Variants in PIEZO1 observed in about 807,000 individuals in gnomAD.
The protein encoded by PIEZO1 is piezo-type mechanosensitive ion channel component 1.
In PIEZO1, 296 loss-of-function variants were observed where a neutral mutation model predicts 297.2. The observed-to-expected ratio is 1.00, with a 90% CI of 0.91 to 1.10. PIEZO1 has a LOEUF of 1.10. Among genes scored for constraint, PIEZO1 ranks in the 50% least tolerant of loss-of-function variants. The pLI is 0.00. For missense variants in PIEZO1, 5,018 were observed against 3,455.5 expected, an observed-to-expected ratio of 1.45 and a Z score of -11.34; for synonymous variants, 2,427 against 1,507.5, an observed-to-expected ratio of 1.61 and a Z score of -14.13.
intron 22 of PIEZO1, among the ~76,000 whole-genome samples, chr16:88,731,004 C>T (rs1904765222): frequency 1.3e-5 from 2 of 152,234 alleles, no homozygotes; most frequent in Non-Finnish European, 2.9e-5. Flanking sequence ...GAGCCGGCCA[C>T]GTGCACAAAT....
Position 88,725,505 on chromosome 16 carries a change from C to G in PIEZO1, c.4073G>C (p.Arg1358Pro), listed in dbSNP as rs587776990. ...CTGCCTGTGCTTCTCCTGCTTGGCA[C>G]GGATACGCTCCATCCTGTGGTGGGG... The part of the protein sequence containing the change: ...AQLKRQMERI[R>P]AKQEKHRQGR... Residue 1358 changes from arginine to proline, a missense_variant, in exon 29 of 51, where the codon CGT becomes CCT. By Grantham distance (103) the Arg-to-Pro change is moderately radical (BLOSUM62 -2). Transcript: ENST00000301015. 6.5e-7 allele frequency: 1 copy of G among 1,529,226 alleles called. No homozygotes were observed. Among genetic ancestry groups the G allele is most frequent in the Non-Finnish European group, 8.8e-7 (1 of 1,134,294 alleles). 94.7% of individuals were successfully genotyped at this position (1,529,226 alleles called of 1,614,324 possible).
rs907859351 is a variant in PIEZO1, at chr16:88,727,221, C to T, written c.3302-29G>A. 13 of 1,507,638 alleles carry T rather than the reference C, an allele frequency of 8.6e-6. No homozygotes were observed. In the Admixed American group the frequency reaches 2.8e-4, roughly 32 times the overall value. The allele number at this position is 1,507,638 out of a possible 1,614,324, so 93.4% of individuals were successfully genotyped here. On this transcript the variant is annotated intron_variant, in intron 23 of 50. Transcript: ENST00000301015. ...CAGGACACAGGAGCCGCCGCTGTGC[C>T]ACACGGGGACCCACACGAGGTGGGC... is the stretch of plus-strand genomic sequence containing the variant.
intron 1 of PIEZO1, 54 bp from the exon 2 acceptor site, chr16:88,749,533 C>G: frequency 1.5e-6 from 2 of 1,337,342 alleles, no homozygotes; most frequent in East Asian, 2.6e-5. Flanking sequence ...CCAGCCCCAC[C>G]CCAGAGGACA....
chr16:88,727,473 G>A, intron 23 of PIEZO1, 84 bp downstream of exon 23: 1 of 662,438 alleles, frequency 1.5e-6, no homozygotes. Flanking sequence ...GTGCACGCCT[G>A]TGTGCACACT....
In PIEZO1 at chr16:88,720,637, A is replaced by T. The variant is rs755742006; in HGVS notation, c.5780T>A (p.Leu1927Gln). The change falls in exon 40 of 51, where the codon CTG becomes CAG. Residue 1927 changes from leucine to glutamine, a missense_variant. Transcript: ENST00000301015. ...TCACAGGGACAGGCAGAAGCCCTGC[A>T]GCCGCCGCCCGGCCGCCCTTACTCT... The part of the protein sequence containing the change: ...GGRVRAAGRR[L>Q]QGFCLSLAQG... The T allele has an allele frequency of 4.1e-5, 63 of 1,544,206 alleles. No homozygotes were observed. The highest frequency in any genetic ancestry group is 3.2e-4 in the Admixed American group (16 of 50,620).
rs1597459025 is a variant in PIEZO1, at chr16:88,735,355, G to T, written c.1558-109C>A. 7 of 762,028 alleles carry T rather than the reference G, an allele frequency of 9.2e-6. No individual in the cohort carries two copies. In the East Asian group the frequency reaches 1.9e-4, roughly 21 times the overall value. The allele number at this position is 762,028 out of a possible 1,614,324, so 47.2% of individuals were successfully genotyped here. On this transcript the variant is annotated intron_variant, in intron 12 of 50. Coordinates refer to ENST00000301015, the MANE Select transcript of PIEZO1 (RefSeq NM_001142864.4). ...AGGGGGCAAGAGCTCTCAGGCGGCT[G>T]GCACCAGCCCATCCACCGCAGCCTC...
chr16:88,763,009 T>C (rs1415573350), intron 1 of PIEZO1, among the ~76,000 whole-genome samples: 3 of 152,134 alleles, frequency 2.0e-5, no homozygotes, highest in Non-Finnish European at 4.4e-5. Context: ...TGAGCAGCCA[T>C]CATGGGGGTA....
rs1013412353 is a variant in PIEZO1, at chr16:88,716,236, T to C, written c.7091A>G (p.Asn2364Ser). The change falls in exon 49 of 51, where the codon AAC becomes AGC. Residue 2364 changes from asparagine to serine, a missense_variant. Coordinates refer to ENST00000301015, the MANE Select transcript of PIEZO1 (RefSeq NM_001142864.4). ...CTTCACAGGGTTGGCTTCGGGCCCGTTGGGGGCACGGATGTACTTGGGGAA... is the reference window on the plus strand; with the variant it reads ...CTTCACAGGGTTGGCTTCGGGCCCGCTGGGGGCACGGATGTACTTGGGGAA... Reference protein sequence around the residue: ...NLFPKYIRAPNGPEANPVKQL... With the variant: ...NLFPKYIRAPSGPEANPVKQL... The C allele has an allele frequency of 5.1e-5, 77 of 1,496,460 alleles. No individual in the cohort carries two copies. The highest frequency in any genetic ancestry group is 1.8e-4 in the Middle Eastern group (1 of 5,704). The allele number at this position is 1,496,460 out of a possible 1,614,324, so 92.7% of individuals were successfully genotyped here.
intron 1 of PIEZO1, among the ~76,000 whole-genome samples, chr16:88,761,824 C>T (rs1477468663): frequency 6.6e-6 from 1 of 150,424 alleles, no homozygotes; most frequent in African/African-American, 2.4e-5. Context: ...GGTGTGGAGG[C>T]CTCAGAGTTT....
In PIEZO1 at chr16:88,717,041, C is replaced by G. The variant is rs8057031; in HGVS notation, c.6642G>C (p.Leu2214=). 904,172 of 1,550,126 alleles carry G rather than the reference C, an allele frequency of 0.58. 267,650 individuals carry two copies. Among genetic ancestry groups the G allele is most frequent in the East Asian group, 0.82 (33,661 of 40,914 alleles). ...VNQPIDVTVT[L]KLGGYEPLFT... ...TGCTCACCTCATAGCCGCCCAGCTT[C>G]AGGGTGACGGTGACATCGATGGGCT... is the stretch of plus-strand genomic sequence containing the variant. The change falls in exon 45 of 51, where the codon CTG becomes CTC. Residue 2214 remains leucine (L), a synonymous_variant. Transcript: ENST00000301015.
intron 1 of PIEZO1, among the ~76,000 whole-genome samples, chr16:88,778,067 C>A (rs576009061): frequency 2.6e-5 from 4 of 152,206 alleles, no homozygotes; most frequent in Non-Finnish European, 2.9e-5. Context: ...TTGTTTTCCC[C>A]GAGGCTGGAG....
chr16:88,766,799 G>A (rs570256830), intron 1 of PIEZO1, among the ~76,000 whole-genome samples: 5 of 152,334 alleles, frequency 3.3e-5, no homozygotes, highest in East Asian at 3.9e-4. Context: ...ACGGGGACCC[G>A]GCCCCAGCTG....
chr16:88,749,923 G>A (rs867921665), intron 1 of PIEZO1, among the ~76,000 whole-genome samples: 64 of 152,030 alleles, frequency 4.2e-4, no homozygotes, highest in African/African-American at 1.3e-3. Flanking sequence ...AGCTACTCGG[G>A]AGGCTGAGGC....
At chr16:88,721,489 C>T in intron 38 of PIEZO1, 49 bp downstream of exon 38, 1 of 1,538,180 alleles carries the variant, frequency 6.5e-7, no homozygotes, top group Non-Finnish European at 8.8e-7. Flanking sequence ...AGCACAGGTG[C>T]CCAGAGGGCC....
chr16:88,738,556 C>A lies in PIEZO1; in HGVS notation c.634+12G>T. 3 of 1,532,386 alleles carry A rather than the reference C, an allele frequency of 2.0e-6. No individual in the cohort carries two copies. The allele number at this position is 1,532,386 out of a possible 1,614,324, so 94.9% of individuals were successfully genotyped here. ...CAGTGTGACTGCCAGTGCCCCCTGC[C>A]TCGGTGCGTACCTGCCAGTGCAAGC... On this transcript the variant is annotated intron_variant, in intron 6 of 50. Coordinates refer to ENST00000301015, the MANE Select transcript of PIEZO1 (RefSeq NM_001142864.4).
intron 8 of PIEZO1, 49 bp from the exon 9 acceptor site, chr16:88,737,863 G>A: frequency 1.3e-6 from 2 of 1,533,010 alleles, no homozygotes; most frequent in Non-Finnish European, 1.7e-6. Flanking sequence ...ACCCCACCCA[G>A]AGGCAGGAGG....
chr16:88,719,326 G>A (rs1183478888), intron 44 of PIEZO1: 5 of 526,356 alleles, frequency 9.5e-6, no homozygotes, highest in Non-Finnish European at 1.7e-5. Flanking sequence ...ACCAGGCCCT[G>A]CTCTGCTGCC....
At chr16:88,777,539 G>A (rs568671785) in intron 1 of PIEZO1, among the ~76,000 whole-genome samples, 27 of 152,254 alleles carry the variant, frequency 1.8e-4, no homozygotes, top group African/African-American at 6.0e-4. Context: ...TCACTGGCCC[G>A]CAGACAGGAA....
chr16:88,724,038 C>T (rs1356719158), intron 30 of PIEZO1, 67 bp from the exon 31 acceptor site: 4 of 979,478 alleles, frequency 4.1e-6, no homozygotes, highest in Non-Finnish European at 6.3e-6. Flanking sequence ...CCCCCTCCGC[C>T]TGCATGGGCC....
Sources: allele counts gnomAD v4.1 joint callset (sites outside exome capture counted in the v4.1 genomes callset), GRCh38; gene constraint gnomAD v4.1.1; transcripts MANE v1.5; gene names NCBI Gene and HGNC (gene_info 2026-07-23, HGNC 2026-07-21).